The following AUTS2 variants were observed in gnomAD, a reference collection of about 807,000 sequenced individuals.
AUTS2 encodes the protein activator of transcription and developmental regulator AUTS2, also known as autism susceptibility gene 2 protein.
AUTS2 carries 17 observed loss-of-function variants against 112.4 expected under a neutral mutation model. That is an observed-to-expected ratio of 0.15 (90% confidence interval 0.10 to 0.23). The LOEUF is 0.23. AUTS2 is among the 10% of genes least tolerant of loss of function. The pLI, the probability that AUTS2 is intolerant of heterozygous loss-of-function variation, is 1.00. For missense variants in AUTS2, 1,510 were observed against 1,701.6 expected, an observed-to-expected ratio of 0.89 and a Z score of 1.98; for synonymous variants, 751 against 702.7, an observed-to-expected ratio of 1.07 and a Z score of -1.09.
chr7:69,706,108 TC>T (rs1381912315), intron 1 of AUTS2, among the ~76,000 whole-genome samples: 1 of 152,150 alleles, frequency 6.6e-6, no homozygotes, highest in Non-Finnish European at 1.5e-5. Context: ...TTGTTGTCTT[TC>T]TTCTGGCAGT....
At chr7:70,153,041 C>G (rs1476252052) in intron 4 of AUTS2, among the ~76,000 whole-genome samples, 1 of 151,988 alleles carries the variant, frequency 6.6e-6, no homozygotes, top group African/African-American at 2.4e-5. Context: ...TATGTATGTA[C>G]AATATATTCT....
At chr7:70,650,377 C>T (rs1039296300) in intron 5 of AUTS2, among the ~76,000 whole-genome samples, 1 of 152,212 alleles carries the variant, frequency 6.6e-6, no homozygotes, top group Non-Finnish European at 1.5e-5. Context: ...TGAACAAAAC[C>T]TGGGTTCAGT....
At chr7:70,724,656 A>G (rs1186820122) in intron 6 of AUTS2, among the ~76,000 whole-genome samples, 5 of 151,670 alleles carry the variant, frequency 3.3e-5, no homozygotes, top group Admixed American at 3.3e-4. Context: ...CGTGTTAGTC[A>G]GGATGGTCTC....
chr7:69,611,895 A>G (rs986541592), intron 1 of AUTS2, among the ~76,000 whole-genome samples: 24 of 139,464 alleles, frequency 1.7e-4, no homozygotes, highest in African/African-American at 6.1e-4. Context: ...GCGCCACTGC[A>G]GTCCGCAGTC....
intron 4 of AUTS2, among the ~76,000 whole-genome samples, chr7:70,323,267 C>A (rs761793328): frequency 6.6e-6 from 1 of 152,128 alleles, no homozygotes. Flanking sequence ...GTCCACAACC[C>A]AACTCAGAGG....
chr7:70,078,786 A>T (rs1369651447), intron 2 of AUTS2, among the ~76,000 whole-genome samples: 1 of 152,236 alleles, frequency 6.6e-6, no homozygotes. Flanking sequence ...CCTGTTTCAT[A>T]CTGAGAAGAC....
Position 69,726,095 on chromosome 7 carries a change from A to G in AUTS2, c.309+126133A>G, listed in dbSNP as rs536134628. On this transcript the variant is annotated intron_variant, in intron 1 of 18. Coordinates refer to ENST00000342771, the MANE Select transcript of AUTS2 (RefSeq NM_015570.4). ...GCACAGATCTTAAGTGTACACATCA[A>G]TGAATTTTGGCAAATATACATACCC... 3.3e-5 allele frequency among the ~76,000 whole-genome samples: 5 copies of G among 152,298 alleles called. No homozygotes were observed. The South Asian group carries it at 8.3e-4, about 25-fold the overall frequency.
Position 69,859,359 on chromosome 7 carries a change from A to T in AUTS2, c.310-39927A>T, listed in dbSNP as rs189986139. Among the ~76,000 whole-genome samples, 64 of 152,334 alleles carry T rather than the reference A, an allele frequency of 4.2e-4. 1 individual carries two copies. The highest frequency in any genetic ancestry group is 3.3e-3 in the Admixed American group (50 of 15,302). ...TTTATTGTTAAGTTACAACAAAAAA[A>T]TTGTTAACTATCATGTCTCCAGTTT... On this transcript the variant is annotated intron_variant, in intron 1 of 18. Coordinates refer to ENST00000342771, the MANE Select transcript of AUTS2 (RefSeq NM_015570.4).
At chr7:70,667,644 G>A (rs1807415360) in intron 5 of AUTS2, among the ~76,000 whole-genome samples, 1 of 152,200 alleles carries the variant, frequency 6.6e-6, no homozygotes, top group Non-Finnish European at 1.5e-5. Context: ...CAAAACTTTG[G>A]TAAGACTGGG....
chr7:69,819,440 G>A (rs1273823584), intron 1 of AUTS2, among the ~76,000 whole-genome samples: 2 of 152,172 alleles, frequency 1.3e-5, no homozygotes, highest in Non-Finnish European at 2.9e-5. Context: ...TCTTGGGGAA[G>A]TTTTAGGCAC....
intron 5 of AUTS2, among the ~76,000 whole-genome samples, chr7:70,628,673 G>A (rs973383666): frequency 6.6e-6 from 1 of 152,008 alleles, no homozygotes; most frequent in Non-Finnish European, 1.5e-5. Flanking sequence ...GTAATCTTAA[G>A]ATGCAGTTAC....
intron 4 of AUTS2, among the ~76,000 whole-genome samples, chr7:70,176,146 A>G (rs1023500046): frequency 6.6e-6 from 1 of 152,186 alleles, no homozygotes; most frequent in East Asian, 1.9e-4. Flanking sequence ...TCTCTTCACC[A>G]TAATGAGGTT....
intron 2 of AUTS2, among the ~76,000 whole-genome samples, chr7:69,956,414 C>T (rs753242266): frequency 2.0e-5 from 3 of 152,058 alleles, no homozygotes; most frequent in Admixed American, 6.6e-5. Flanking sequence ...CTGTTTTACA[C>T]TGTTAATACA....
intron 2 of AUTS2, among the ~76,000 whole-genome samples, chr7:69,979,540 A>T (rs1014760706): frequency 6.6e-6 from 1 of 152,252 alleles, no homozygotes; most frequent in African/African-American, 2.4e-5. Flanking sequence ...TTCAAATGTT[A>T]AATTTGAAGA....
At chr7:70,305,966 A>G (rs1436737632) in intron 4 of AUTS2, among the ~76,000 whole-genome samples, 1 of 152,158 alleles carries the variant, frequency 6.6e-6, no homozygotes, top group African/African-American at 2.4e-5. Context: ...ATTATGCCAA[A>G]CCATGTAGGC....
At chr7:69,693,946 C>G (rs914900578) in intron 1 of AUTS2, among the ~76,000 whole-genome samples, 1 of 152,116 alleles carries the variant, frequency 6.6e-6, no homozygotes, top group African/African-American at 2.4e-5. Context: ...CCTGCTAAAA[C>G]TTGGGAACCA....
chr7:70,046,473 G>A (rs1032138127), intron 2 of AUTS2, among the ~76,000 whole-genome samples: 15 of 152,228 alleles, frequency 9.9e-5, no homozygotes, highest in African/African-American at 1.9e-4. Context: ...GTTAAAATAC[G>A]TACAACTTTT....
chr7:69,999,824 A>G (rs1360824071), intron 2 of AUTS2, among the ~76,000 whole-genome samples: 3 of 152,200 alleles, frequency 2.0e-5, no homozygotes, highest in Admixed American at 6.5e-5. Context: ...AAAGGCCTAA[A>G]TCTTGCTTGT....
At chr7:70,410,301 G>A (rs1423930344) in intron 4 of AUTS2, among the ~76,000 whole-genome samples, 1 of 152,088 alleles carries the variant, frequency 6.6e-6, no homozygotes, top group East Asian at 1.9e-4. Context: ...GTAGAATGCA[G>A]TCATTACTTA....
Sources: gnomAD v4.1 joint callset for allele counts (sites outside exome capture counted in the v4.1 genomes callset) on GRCh38, gnomAD v4.1.1 for gene constraint, MANE v1.5 for transcripts, NCBI Gene and HGNC (gene_info 2026-07-23, HGNC 2026-07-21) for gene names.